XKR9: variants seen among roughly 807,000 people sequenced by gnomAD.
XKR9 encodes the protein XK related 9, also known as XK-related protein 9.
A neutral mutation model predicts 32.0 loss-of-function variants in XKR9; 32 were observed. The observed-to-expected ratio is 1.00, with a 90% CI of 0.76 to 1.34. The LOEUF is 1.34. Ranked by LOEUF, XKR9 falls within the 40% of genes most tolerant of loss-of-function variation. The probability of loss-of-function intolerance (pLI) is 0.00; values close to 1 mark genes in which losing one functional copy is unlikely to be tolerated. For missense variants in XKR9, 546 were observed against 429.7 expected, an observed-to-expected ratio of 1.27 and a Z score of -2.39; for synonymous variants, 168 against 143.4, an observed-to-expected ratio of 1.17 and a Z score of -1.22.
At chr8:71,064,084 T>G in the XKR9 span, among the ~76,000 whole-genome samples, 14,158 of 152,262 alleles carry the variant, frequency 0.093, 758 homozygotes, top group African/African-American at 0.14. Context: ...TTCTATTATT[T>G]TCCTTATACA....
the XKR9 span, among the ~76,000 whole-genome samples, chr8:71,051,048 TA>T: frequency 0.32 from 47,364 of 147,230 alleles, 7,647 homozygotes; most frequent in East Asian, 0.54. Flanking sequence ...CAGTGGGGAA[TA>T]AAAAAAAAAA....
intron 3 of XKR9, among the ~76,000 whole-genome samples, chr8:70,789,839 A>C (rs1283999419): frequency 6.6e-6 from 1 of 152,028 alleles, no homozygotes; most frequent in Non-Finnish European, 1.5e-5. Context: ...CCAACATTCT[A>C]ATTATAGTCC....
intron 2 of XKR9, among the ~76,000 whole-genome samples, chr8:70,675,229 C>T (rs1818843853): frequency 6.6e-6 from 1 of 152,140 alleles, no homozygotes; most frequent in Non-Finnish European, 1.5e-5. Context: ...GATTCGAAAT[C>T]AGCCTGCCCA....
the XKR9 span, among the ~76,000 whole-genome samples, chr8:70,932,452 T>C: frequency 1.4e-4 from 22 of 152,266 alleles, no homozygotes; most frequent in African/African-American, 5.1e-4. Flanking sequence ...ATAATAGTGA[T>C]GTGAAGTTCA....
intron 3 of XKR9, among the ~76,000 whole-genome samples, chr8:70,697,805 A>C (rs896767731): frequency 1.3e-5 from 2 of 151,624 alleles, no homozygotes; most frequent in East Asian, 3.9e-4. Flanking sequence ...CTGTGAATCC[A>C]TCTGGTCCTG....
At chr8:70,681,367 T>G in intron 3 of XKR9, 37 bp downstream of exon 3, 1 of 1,569,226 alleles carries the variant, frequency 6.4e-7, no homozygotes, top group East Asian at 2.3e-5. Flanking sequence ...ACTGTTTTTC[T>G]TTTTCCAAAC....
At chr8:70,884,854 A>G in the XKR9 span, among the ~76,000 whole-genome samples, 50 of 152,242 alleles carry the variant, frequency 3.3e-4, 1 homozygote, top group East Asian at 8.9e-3. Flanking sequence ...CGTGTTAGCT[A>G]TTCTAGTACT....
chr8:70,930,245 C>G, the XKR9 span, among the ~76,000 whole-genome samples: 1 of 152,028 alleles, frequency 6.6e-6, no homozygotes, highest in Non-Finnish European at 1.5e-5. Context: ...TTTTAATGCT[C>G]TGGTTAAGAT....
At chr8:70,698,387 T>C (rs1805374675) in intron 3 of XKR9, among the ~76,000 whole-genome samples, 1 of 152,338 alleles carries the variant, frequency 6.6e-6, no homozygotes, top group East Asian at 1.9e-4. Context: ...ATGTTTTGTC[T>C]TTGTTCTCAT....
chr8:70,892,978 A>G, the XKR9 span, among the ~76,000 whole-genome samples: 2 of 151,708 alleles, frequency 1.3e-5, no homozygotes, highest in Non-Finnish European at 2.9e-5. Context: ...TAATACCAAC[A>G]TTTGTTTGCT....
chr8:71,020,501 TAAACATCATC>T, the XKR9 span, among the ~76,000 whole-genome samples: 1 of 152,218 alleles, frequency 6.6e-6, no homozygotes, highest in Non-Finnish European at 1.5e-5. Flanking sequence ...CCTCTGTCAA[TAAACATCATC>T]ATAGTTTATT....
the XKR9 span, among the ~76,000 whole-genome samples, chr8:70,952,726 G>T: frequency 2.3e-4 from 35 of 152,246 alleles, no homozygotes; most frequent in South Asian, 6.8e-3. Flanking sequence ...AATAGGTGGG[G>T]TATATTTATT....
At chr8:70,853,075 G>A in the XKR9 span, among the ~76,000 whole-genome samples, 1 of 152,072 alleles carries the variant, frequency 6.6e-6, no homozygotes. Context: ...AAAAAAGAAT[G>A]TCATTCTATA....
chr8:70,725,068 G>A (rs368068603), intron 4 of XKR9, among the ~76,000 whole-genome samples: 1 of 152,218 alleles, frequency 6.6e-6, no homozygotes, highest in East Asian at 1.9e-4. Flanking sequence ...AAAAATGAGA[G>A]CAAAGTGAAG....
At chr8:71,029,883 T>A in the XKR9 span, among the ~76,000 whole-genome samples, 1 of 151,828 alleles carries the variant, frequency 6.6e-6, no homozygotes, top group Non-Finnish European at 1.5e-5. Context: ...TTTTATGAGG[T>A]GTAAAATCAG....
the XKR9 span, among the ~76,000 whole-genome samples, chr8:70,894,412 T>TA: frequency 6.6e-6 from 1 of 152,116 alleles, no homozygotes; most frequent in South Asian, 2.1e-4. Flanking sequence ...TCAGAGTTCT[T>TA]ACGCCTGTAG....
At chr8:70,768,122 C>T (rs183440308) in intron 2 of XKR9, among the ~76,000 whole-genome samples, 1 of 152,102 alleles carries the variant, frequency 6.6e-6, no homozygotes, top group Non-Finnish European at 1.5e-5. Flanking sequence ...TATATTGTTT[C>T]TTTGTTCTCA....
At chr8:70,901,027 A>G in the XKR9 span, among the ~76,000 whole-genome samples, 1 of 152,178 alleles carries the variant, frequency 6.6e-6, no homozygotes, top group African/African-American at 2.4e-5. Context: ...CATGGTATAT[A>G]TGTGCCACGT....
the XKR9 span, among the ~76,000 whole-genome samples, chr8:70,890,294 T>C: frequency 4.6e-5 from 7 of 152,090 alleles, no homozygotes; most frequent in African/African-American, 1.7e-4. Context: ...TTGGATGGCA[T>C]TTATTACTTT....
Sources: gnomAD v4.1 joint callset for allele counts (sites outside exome capture counted in the v4.1 genomes callset) on GRCh38, gnomAD v4.1.1 for gene constraint, MANE v1.5 for transcripts, NCBI Gene and HGNC (gene_info 2026-07-23, HGNC 2026-07-21) for gene names.